AGO2: variants seen among roughly 807,000 people sequenced by gnomAD.
AGO2 encodes protein argonaute-2.
A neutral mutation model predicts 102.3 loss-of-function variants in AGO2; 5 were observed. That is an observed-to-expected ratio of 0.05 (90% CI 0.03 to 0.10). AGO2 has a LOEUF of 0.10. Among genes scored for constraint, AGO2 ranks in the 10% least tolerant of loss-of-function variants. The pLI is 1.00. For synonymous variants in AGO2, 449 were observed against 473.1 expected, an observed-to-expected ratio of 0.95 and a Z score of 0.66; for missense variants, 541 against 1,183.7, an observed-to-expected ratio of 0.46 and a Z score of 7.97.
At chr8:140,534,760 C>G (rs1475705634) in intron 17 of AGO2, among the ~76,000 whole-genome samples, 2 of 152,218 alleles carry the variant, frequency 1.3e-5, no homozygotes, top group African/African-American at 4.8e-5. Flanking sequence ...AAACCAAAAG[C>G]CCCTCTGATC....
chr8:140,536,899 T>C (rs1173733812), intron 16 of AGO2, among the ~76,000 whole-genome samples: 1 of 152,230 alleles, frequency 6.6e-6, no homozygotes, highest in Admixed American at 6.5e-5. Context: ...ATCCTTCCTA[T>C]GTCTTTAGGC....
intron 1 of AGO2, among the ~76,000 whole-genome samples, chr8:140,615,199 C>T (rs1418285720): frequency 6.6e-6 from 1 of 152,126 alleles, no homozygotes; most frequent in East Asian, 1.9e-4. Context: ...TGCAGTGAGC[C>T]GAGATCGTGC....
At position 140,568,287 on chromosome 8, in the gene AGO2, G is replaced by GAAAAAAAAA. The variant is rs4058201; in HGVS notation, c.336+4516_336+4524dup. Among the ~76,000 whole-genome samples, 945 of 131,954 alleles carry GAAAAAAAAA rather than the reference G, an allele frequency of 7.2e-3. 13 individuals are homozygous for GAAAAAAAAA. Among genetic ancestry groups the GAAAAAAAAA allele is most frequent in the Middle Eastern group, 0.051 (13 of 256 alleles). 86.6% of individuals were successfully genotyped at this position (131,954 alleles called of 152,430 possible). A position where few individuals can be genotyped will look rare whatever the true frequency, so the allele number is the denominator to read the frequency against. ...TGACAGAGCGAGACCATGTCTGGGG[G>GAAAAAAAAA]AAAAAAAAAAAAAGAGAGAGCACAA... On this transcript the variant is annotated intron_variant, in intron 3 of 18. Coordinates refer to ENST00000220592, the MANE Select transcript of AGO2 (RefSeq NM_012154.5).
chr8:140,573,866 G>A (rs2073423580), intron 2 of AGO2, among the ~76,000 whole-genome samples: 2 of 152,232 alleles, frequency 1.3e-5, no homozygotes. Flanking sequence ...CAAGGGGTTT[G>A]TGAGACTGGC....
At chr8:140,599,578 A>T (rs1002595240) in intron 1 of AGO2, among the ~76,000 whole-genome samples, 1 of 152,176 alleles carries the variant, frequency 6.6e-6, no homozygotes, top group African/African-American at 2.4e-5. Flanking sequence ...TATGGGGTCC[A>T]GGCCATCACC....
chr8:140,583,959 T>C (rs1463584534), intron 2 of AGO2, among the ~76,000 whole-genome samples: 1 of 152,174 alleles, frequency 6.6e-6, no homozygotes, highest in African/African-American at 2.4e-5. Context: ...TCCCTTACAA[T>C]CTTTTGGGAC....
At position 140,589,641 on chromosome 8, in the gene AGO2, G is replaced by C. The variant is rs995406978; in HGVS notation, c.23-4330C>G. 6.6e-6 allele frequency among the ~76,000 whole-genome samples: 1 copy of C among 152,138 alleles called. No homozygotes were observed. The highest frequency in any genetic ancestry group is 1.5e-5 in the Non-Finnish European group (1 of 68,024). On this transcript the variant is annotated intron_variant, in intron 1 of 18. Coordinates refer to ENST00000220592, the MANE Select transcript of AGO2 (RefSeq NM_012154.5). This position sits in a 1 kb window ranked among gnomAD's most constrained non-coding sequence, Gnocchi z 4.2. ...TTACACTGGGCATCAGCCAGAAAAC[G>C]TGCAGGCCAAAGAAAGTGAGAAGGA...
chr8:140,617,160 C>T (rs184713774), intron 1 of AGO2, among the ~76,000 whole-genome samples: 125 of 152,286 alleles, frequency 8.2e-4, no homozygotes, highest in African/African-American at 2.9e-3. Context: ...GTAAGAGAAA[C>T]AACAACAACA....
chr8:140,630,545 C>G (rs1336607772), intron 1 of AGO2, among the ~76,000 whole-genome samples: 1 of 152,232 alleles, frequency 6.6e-6, no homozygotes, highest in Non-Finnish European at 1.5e-5. Flanking sequence ...TTGGGGCTCT[C>G]AATGTGTGGC....
chr8:140,606,515 A>G (rs2074000102), intron 1 of AGO2, among the ~76,000 whole-genome samples: 1 of 152,266 alleles, frequency 6.6e-6, no homozygotes, highest in Non-Finnish European at 1.5e-5. Flanking sequence ...AGGACTCACT[A>G]AACATTCTCC....
intron 8 of AGO2, among the ~76,000 whole-genome samples, chr8:140,556,775 A>C (rs2073101367): frequency 6.6e-6 from 1 of 152,096 alleles, no homozygotes; most frequent in African/African-American, 2.4e-5. Context: ...AAGAGTCGTG[A>C]TGTTAGAGGA....
upstream of AGO2, chr8:140,637,284 C>T (rs1296357075): frequency 1.3e-5 from 2 of 152,232 alleles, no homozygotes; most frequent in East Asian, 1.9e-4. Flanking sequence ...TGCCCACCCT[C>T]TCTCTCTGCC....
chr8:140,639,783 C>T (rs986247173), upstream of AGO2, among the ~76,000 whole-genome samples: 1 of 152,038 alleles, frequency 6.6e-6, no homozygotes, highest in African/African-American at 2.4e-5. Flanking sequence ...AGAAACAAAA[C>T]AAAAACAGGC....
intron 1 of AGO2, among the ~76,000 whole-genome samples, chr8:140,633,403 A>G (rs2074365202): frequency 6.6e-6 from 1 of 152,208 alleles, no homozygotes; most frequent in Admixed American, 6.5e-5. Context: ...ATTATCCTGC[A>G]GACACATTTA....
At chr8:140,547,412 C>T in intron 13 of AGO2, 56 bp downstream of exon 13, 2 of 1,584,596 alleles carry the variant, frequency 1.3e-6, no homozygotes, top group Non-Finnish European at 1.7e-6. Flanking sequence ...CCCCACCCTG[C>T]CAAGCGTCCC....
chr8:140,603,281 C>T (rs903680930), intron 1 of AGO2, among the ~76,000 whole-genome samples: 1 of 152,220 alleles, frequency 6.6e-6, no homozygotes, highest in Non-Finnish European at 1.5e-5. Context: ...AAGCGGAGTG[C>T]GTGGTGCCTC....
In AGO2 at chr8:140,597,481, C is replaced by A. The variant is rs1374382416; in HGVS notation, c.23-12170G>T. On this transcript the variant is annotated intron_variant, in intron 1 of 18. Transcript: ENST00000220592. The stretch of plus-strand genomic sequence containing the variant: ...GGGCTGGGTGGCCCCCCCACCCCCC[C>A]CCCCCCGCCCCAGGCCTCCCTGCCT... Among the ~76,000 whole-genome samples the A allele has an allele frequency of 7.0e-4, 100 of 143,054 alleles. 10 individuals are homozygous for A. The highest frequency in any genetic ancestry group is 7.1e-3 in the Middle Eastern group (2 of 282). The allele number at this position is 143,054 out of a possible 152,430, so 93.8% of individuals were successfully genotyped here.
chr8:140,540,022 G>A lies in AGO2; in HGVS notation c.2035-568C>T, dbSNP rs1441991657. On this transcript the variant is annotated intron_variant, in intron 15 of 18. Transcript: ENST00000220592. This position sits in a 1 kb window ranked among gnomAD's most constrained non-coding sequence, Gnocchi z 5.0. ...GGAGAACTGCTTGAACCCGGGAGGT[G>A]GAGGTTGCAGTGAGCCGAGATCCTG... is the stretch of plus-strand genomic sequence containing the variant. Among the ~76,000 whole-genome samples, 1 of 152,124 alleles carries A rather than the reference G, an allele frequency of 6.6e-6. No homozygotes were observed.
intron 1 of AGO2, chr8:140,605,693 C>T (rs979940273): frequency 2.6e-5 from 4 of 152,072 alleles, no homozygotes; most frequent in Non-Finnish European, 5.9e-5. Flanking sequence ...AGTTCCCAGC[C>T]ATTGCTCTTG....
Sources: gnomAD v4.1 joint callset for allele counts (sites outside exome capture counted in the v4.1 genomes callset) on GRCh38, gnomAD v4.1.1 for gene constraint, Gnocchi (gnomAD v3.1) non-coding constraint, MANE v1.5 for transcripts, NCBI Gene and HGNC (gene_info 2026-07-23, HGNC 2026-07-21) for gene names.